Variants in AATK observed in about 807,000 individuals in gnomAD.
AATK encodes the protein lemur tail kinase 1.
AATK carries 91 observed loss-of-function variants against 114.3 expected under a neutral mutation model. The observed-to-expected ratio is 0.80, with a 90% CI of 0.67 to 0.95. The LOEUF (loss-of-function observed/expected upper bound fraction) is 0.95, where lower values mean the gene tolerates loss of function less well. Among genes scored for constraint, AATK ranks in the 40% least tolerant of loss-of-function variants. AATK has a pLI of 0.00. For missense variants in AATK, 2,176 were observed against 1,965.2 expected (o/e 1.11, Z -2.03); for synonymous variants, 1,075 against 916.5 (o/e 1.17, Z -3.12).
In AATK at chr17:81,118,316, TCCC is replaced by T. The variant is rs979358908; in HGVS notation, c.*83_*85del. On this transcript the variant is annotated 3_prime_UTR_variant, in exon 14 of 14. Coordinates refer to ENST00000326724, the MANE Select transcript of AATK (RefSeq NM_001080395.3). ...GCTGCCAACAGCCACCAGGACGTGG[TCCC>T]CACCTTCTCGGTCACCATCCTCGCT... 1.4e-6 allele frequency: 2 copies of T among 1,421,312 alleles called. No individual in the cohort carries two copies. Among genetic ancestry groups the T allele is most frequent in the Admixed American group, 4.1e-5 (2 of 48,762 alleles). 88.0% of individuals were successfully genotyped at this position (1,421,312 alleles called of 1,614,324 possible).
rs373741787 is a variant in AATK, at chr17:81,138,031, C to A, written c.56-3530G>T. On this transcript the variant is annotated intron_variant, in intron 1 of 13. Transcript: ENST00000326724. The stretch of plus-strand genomic sequence containing the variant: ...GTACACGCACCCACATGCACGCAAA[C>A]CCACACCCACGTGCACACAGACCCA... Among the ~76,000 whole-genome samples, 25 of 151,446 alleles carry A rather than the reference C, an allele frequency of 1.7e-4. 1 individual carries two copies. The East Asian group carries it at 2.1e-3, about 13-fold the overall frequency.
Position 81,134,476 on chromosome 17 carries a change from G to T in AATK, c.81C>A (p.Ser27=), listed in dbSNP as rs776115089. The change falls in exon 2 of 14, where the codon TCC becomes TCA. Residue 27 remains serine, a synonymous_variant. Coordinates refer to ENST00000326724, the MANE Select transcript of AATK (RefSeq NM_001080395.3). ...DPDGAPLSEL[S]WPSSLAVVAV... is the part of the protein sequence containing the mutation. ...CCACCACGGCGAGGGAGGATGGCCA[G>T]GACAGCTCGCTGAGCGGGGCGCCGT... The T allele has an allele frequency of 4.3e-5, 70 of 1,612,818 alleles. No individual in the cohort carries two copies. Among genetic ancestry groups the T allele is most frequent in the Admixed American group, 3.3e-4 (20 of 59,964 alleles).
chr17:81,142,279 CTT>C (rs111660324), intron 1 of AATK, among the ~76,000 whole-genome samples: 1 of 142,684 alleles, frequency 7.0e-6, no homozygotes, highest in Admixed American at 7.0e-5. Context: ...TTTTTCTTTT[CTT>C]TTTTTTTTTG....
chr17:81,133,972 G>A (rs964973998), intron 2 of AATK, among the ~76,000 whole-genome samples: 2 of 152,158 alleles, frequency 1.3e-5, no homozygotes, highest in Admixed American at 6.5e-5. Flanking sequence ...TCGGAGGGAC[G>A]TGAGAGCCCC....
At chr17:81,119,669 TCCCATCATGTCACG>T in intron 12 of AATK, 89 bp from the exon 13 acceptor site, 2 of 598,672 alleles carry the variant, frequency 3.3e-6, no homozygotes, top group East Asian at 7.4e-5. Flanking sequence ...AGGCCCCGCC[TCCCATCATGTCACG>T]GGCCCAGGCC....
Position 81,126,416 on chromosome 17 carries a change from C to G in AATK, c.755+11G>C, listed in dbSNP as rs1182047755. The G allele has an allele frequency of 3.2e-6, 5 of 1,554,200 alleles. No homozygotes were observed. The highest frequency in any genetic ancestry group is 1.7e-6 in the Non-Finnish European group (2 of 1,148,656). On this transcript the variant is annotated intron_variant, in intron 7 of 13. Transcript: ENST00000326724. This position sits in a 1 kb window ranked among gnomAD's most constrained non-coding sequence, Gnocchi z 5.1. ...AGGGCTTCCCGGCCGCTGGCCCGCG[C>G]CCGCCCTCACCTGTGCACGAAATTG... is the stretch of plus-strand genomic sequence containing the variant.
chr17:81,131,066 C>T lies in AATK; in HGVS notation c.329G>A (p.Arg110His), dbSNP rs775891431. The T allele has an allele frequency of 1.5e-5, 23 of 1,551,338 alleles. No homozygotes were observed. Among genetic ancestry groups the T allele is most frequent in the East Asian group, 9.7e-5 (4 of 41,102 alleles). The change falls in exon 3 of 14, where the codon CGC becomes CAC. Residue 110 changes from arginine (R) to histidine (H), a missense_variant. Arg to His is a conservative substitution (Grantham distance 29). Coordinates refer to ENST00000326724, the MANE Select transcript of AATK (RefSeq NM_001080395.3). The stretch of plus-strand genomic sequence containing the variant: ...TCTCCCCACCCAGCCCTCACCTGAG[C>T]GCCCAGGCTGCTTGGCCATGGGCAA... ...VSLPMAKQPG[R>H]SVQLLKSTDV... is the part of the protein sequence containing the mutation.
At position 81,127,639 on chromosome 17, in the gene AATK, G is replaced by T; in HGVS notation, c.565C>A (p.Leu189Met). 1 of 1,598,748 alleles carries T rather than the reference G, an allele frequency of 6.3e-7. No individual in the cohort carries two copies. Among genetic ancestry groups the T allele is most frequent in the East Asian group, 2.3e-5 (1 of 44,158 alleles). Residue 189 changes from leucine (L) to methionine (M), a missense_variant, in exon 6 of 14, where the codon CTG becomes ATG. Physicochemically the swap from Leu to Met is conservative, Grantham distance 15 (BLOSUM62 2). Around this residue, in one of 4 missense-constraint regions of AATK, gnomAD observed 273 missense variants for 344.1 expected, o/e 0.79. Coordinates refer to ENST00000326724, the MANE Select transcript of AATK (RefSeq NM_001080395.3). ...ALKHSNLLQCLAQCAEVTPYL... is the reference protein window; with the variant it reads ...ALKHSNLLQCMAQCAEVTPYL... ...GGCGTCACCTCGGCGCACTGGGCCA[G>T]GCACTGGAGCAGGTTGCTGTGCTTC... is the stretch of plus-strand genomic sequence containing the variant.
chr17:81,150,987 T>TA (rs1338882876), intron 1 of AATK, among the ~76,000 whole-genome samples: 1 of 152,142 alleles, frequency 6.6e-6, no homozygotes, highest in African/African-American at 2.4e-5. Flanking sequence ...CATTGTCTGT[T>TA]ACGAATACCC....
At chr17:81,153,872 A>C (rs2146398447) in intron 1 of AATK, among the ~76,000 whole-genome samples, 1 of 152,250 alleles carries the variant, frequency 6.6e-6, no homozygotes, top group Non-Finnish European at 1.5e-5. Flanking sequence ...GGAGTTCGAG[A>C]CCATCCTGGC....
chr17:81,140,183 G>C (rs2061101305), intron 1 of AATK, among the ~76,000 whole-genome samples: 1 of 152,154 alleles, frequency 6.6e-6, no homozygotes, highest in African/African-American at 2.4e-5. Flanking sequence ...CACCGGGCCT[G>C]GCTGGTGACT....
At chr17:81,165,219 TC>T (rs2061471952) in intron 1 of AATK, among the ~76,000 whole-genome samples, 1 of 152,140 alleles carries the variant, frequency 6.6e-6, no homozygotes, top group Admixed American at 6.5e-5. Context: ...CTTCCAGCTG[TC>T]CCCAGCCCCC....
At chr17:81,157,462 C>G (rs771956475) in intron 1 of AATK, among the ~76,000 whole-genome samples, 15 of 152,172 alleles carry the variant, frequency 9.9e-5, no homozygotes, top group Non-Finnish European at 2.2e-4. Flanking sequence ...CTAGGACCAG[C>G]CCTACTCTCT....
intron 1 of AATK, among the ~76,000 whole-genome samples, chr17:81,148,981 G>A (rs901748096): frequency 1.3e-5 from 2 of 152,208 alleles, no homozygotes. Flanking sequence ...GAGACCGGGG[G>A]TGGAGGTGCC....
intron 1 of AATK, among the ~76,000 whole-genome samples, chr17:81,156,106 CAATG>C (rs1173513178): frequency 0.023 from 3,004 of 129,404 alleles, 133 homozygotes; most frequent in African/African-American, 0.091. Context: ...ATGTATGTTA[CAATG>C]TATGTTACTA....
At chr17:81,145,261 A>G (rs1162341102) in intron 1 of AATK, among the ~76,000 whole-genome samples, 3 of 30,416 alleles carry the variant, frequency 9.9e-5, no homozygotes, top group Non-Finnish European at 2.7e-4. Flanking sequence ...GAAAAAGAAA[A>G]AGAAAAAAGA....
chr17:81,160,254 C>A (rs2061414311), intron 1 of AATK: 1 of 985,268 alleles, frequency 1.0e-6, no homozygotes, highest in South Asian at 4.7e-5. Context: ...GGGTGTCGCT[C>A]CCGCGTGGCT....
intron 1 of AATK, among the ~76,000 whole-genome samples, chr17:81,146,590 C>CTT (rs1819811192): frequency 6.6e-6 from 1 of 152,068 alleles, no homozygotes; most frequent in African/African-American, 2.4e-5. Flanking sequence ...GTGGCAGGTG[C>CTT]CTGTAGTCCC....
intron 2 of AATK, among the ~76,000 whole-genome samples, 179 bp downstream of exon 2, chr17:81,134,189 G>A (rs2060976992): frequency 6.6e-6 from 1 of 152,196 alleles, no homozygotes; most frequent in African/African-American, 2.4e-5. Context: ...GGTCCCTGAG[G>A]AGGAGCTATG....
Sources: allele counts gnomAD v4.1 joint callset (sites outside exome capture counted in the v4.1 genomes callset), GRCh38; gene constraint gnomAD v4.1.1; regional missense constraint gnomAD v4.1.1; non-coding constraint Gnocchi (gnomAD v3.1); transcripts MANE v1.5; gene names NCBI Gene and HGNC (gene_info 2026-07-23, HGNC 2026-07-21).